POMT1: variants seen among roughly 807,000 people sequenced by gnomAD.
The protein encoded by POMT1 is protein O-mannosyl-transferase 1.
Under a neutral mutation model 101.6 loss-of-function variants are expected in POMT1, and 85 were observed. The observed-to-expected ratio is 0.84, with a 90% CI of 0.70 to 1.00. The LOEUF is 1.00. Among genes scored for constraint, POMT1 ranks in the 50% least tolerant of loss-of-function variants. The pLI is 0.00. For missense variants in POMT1, 857 were observed against 930.4 expected (o/e 0.92, Z 1.03); for synonymous variants, 371 against 383.0 (o/e 0.97, Z 0.37).
At chr9:131,507,594 G>C in intron 5 of POMT1, 80 bp downstream of exon 5, 2 of 1,589,418 alleles carry the variant, frequency 1.3e-6, no homozygotes, top group Non-Finnish European at 1.7e-6. Flanking sequence ...ACATGGGCTT[G>C]GTGGGCGAGC....
Position 131,520,092 on chromosome 9 carries a change from G to A in POMT1, c.1597G>A (p.Ala533Thr). The A allele has an allele frequency of 6.2e-7, 1 of 1,613,654 alleles. No homozygotes were observed. The highest frequency in any genetic ancestry group is 2.2e-5 in the East Asian group (1 of 44,886). The change falls in exon 17 of 20, where the codon GCG becomes ACG. Residue 533 changes from alanine to threonine, a missense_variant. By Grantham distance (58) the Ala-to-Thr change is moderately conservative. Transcript: ENST00000402686. ...RFSELQWRML[A>T]LRSDDSEHKY... Reference sequence around the variant, plus strand: ...TGCTTTGTTCCAGTGGAGGATGCTGGCGCTGAGAAGTGATGACTCGGAACA... The same window carrying A: ...TGCTTTGTTCCAGTGGAGGATGCTGACGCTGAGAAGTGATGACTCGGAACA...
rs190564654 is a variant in POMT1 at position 131,520,032 on chromosome 9, G to A, written c.1585-48G>A. 25 of 1,480,398 alleles carry A rather than the reference G, an allele frequency of 1.7e-5. No individual in the cohort carries two copies. In the African/African-American group the frequency reaches 1.9e-4, roughly 11 times the overall value. 91.7% of individuals were successfully genotyped at this position (1,480,398 alleles called of 1,614,324 possible). ...TCCTTTGACCAAATCCACGCACAGC[G>A]GGAGGCATCCCCCATCCTCAATCTC... is the stretch of plus-strand genomic sequence containing the variant. On this transcript the variant is annotated intron_variant, in intron 16 of 19. Coordinates refer to ENST00000402686, the MANE Select transcript of POMT1 (RefSeq NM_001077365.2).
rs1468778412 is a variant in POMT1 at position 131,522,097 on chromosome 9, G to A, written c.1876G>A (p.Ala626Thr). ...TGGGGCGCTGTGTGCCGGTGGCTGG[G>A]CAGTGAACTACCTCCCGTTCTTCCT... ...LAGALCAGGWAVNYLPFFLME... is the reference protein window; with the variant it reads ...LAGALCAGGWTVNYLPFFLME... Residue 626 changes from alanine (A) to threonine (T), a missense_variant, in exon 19 of 20, where the codon GCA (alanine) becomes ACA (threonine). By Grantham distance (58) the Ala-to-Thr change is moderately conservative. Coordinates refer to ENST00000402686, the MANE Select transcript of POMT1 (RefSeq NM_001077365.2). The surrounding 1 kb of genome is among the most constrained non-coding windows in gnomAD (Gnocchi z 5.5). 1 of 1,614,098 alleles carries A rather than the reference G, an allele frequency of 6.2e-7. No individual in the cohort carries two copies. The highest frequency in any genetic ancestry group is 1.7e-5 in the Admixed American group (1 of 60,030).
intron 7 of POMT1, 29 bp downstream of exon 7, chr9:131,509,837 T>C (rs529996323): frequency 1.2e-6 from 2 of 1,614,228 alleles, no homozygotes; most frequent in African/African-American, 1.3e-5. Flanking sequence ...TCTTGGGCAG[T>C]GTCCTCCTCC....
intron 5 of POMT1, 41 bp from the exon 6 acceptor site, chr9:131,508,870 T>C (rs1189510940): frequency 2.1e-6 from 3 of 1,431,006 alleles, no homozygotes. Flanking sequence ...ACGTTTTCCC[T>C]TGCTACCTTA....
At position 131,511,014 on chromosome 9, in the gene POMT1, C is replaced by CCGCCGTA; in HGVS notation, c.856-323_856-322insCGCCGTA. ...CTGTGTGTTTCAGCAAGTTGTTTGG[C>CCGCCGTA]TCACCCTAGTCTTGGTTTTCTCATC... is the stretch of plus-strand genomic sequence containing the variant. On this transcript the variant is annotated intron_variant, in intron 9 of 19. Coordinates refer to ENST00000402686, the MANE Select transcript of POMT1 (RefSeq NM_001077365.2). 1.1e-5 allele frequency: 3 copies of CCGCCGTA among 282,142 alleles called. No homozygotes were observed. In the South Asian group the frequency reaches 1.5e-4, roughly 14 times the overall value. 17.5% of individuals were successfully genotyped at this position (282,142 alleles called of 1,614,324 possible). A position where few individuals can be genotyped will look rare whatever the true frequency, so the allele number is the denominator to read the frequency against.
chr9:131,521,973 A>T (rs1950022544), intron 18 of POMT1, 74 bp from the exon 19 acceptor site: 2 of 1,603,760 alleles, frequency 1.2e-6, no homozygotes, highest in South Asian at 2.2e-5. Context: ...CCCTCTCTCT[A>T]AAAAAGCAAA....
At chr9:131,511,997 C>G in intron 10 of POMT1, 44 bp from the exon 11 acceptor site, 1 of 1,610,034 alleles carries the variant, frequency 6.2e-7, no homozygotes, top group Non-Finnish European at 8.5e-7. Context: ...AGGCCTGAGC[C>G]ACCGCGCCTG....
In POMT1 at chr9:131,505,752, G is replaced by A. The variant is rs115029303; in HGVS notation, c.123-362G>A. 4.3e-3 allele frequency among the ~76,000 whole-genome samples: 650 copies of A among 151,616 alleles called. 3 individuals carry two copies. Among genetic ancestry groups the A allele is most frequent in the African/African-American group, 0.015 (626 of 41,242 alleles). On this transcript the variant is annotated intron_variant, in intron 2 of 19. Coordinates refer to ENST00000402686, the MANE Select transcript of POMT1 (RefSeq NM_001077365.2). ...CTAGCCACAGACATGTGCTGCTGGT[G>A]GGGGCGGGGGTGGGGGGGTTGGGTA...
chr9:131,518,768 T>C, intron 14 of POMT1, 69 bp from the exon 15 acceptor site: 1 of 1,612,278 alleles, frequency 6.2e-7, no homozygotes, highest in Non-Finnish European at 8.5e-7. Flanking sequence ...GGGTTCCCCT[T>C]CCAACCCAAG....
At chr9:131,514,808 T>G (rs960536639) in intron 12 of POMT1, among the ~76,000 whole-genome samples, 9 of 152,162 alleles carry the variant, frequency 5.9e-5, no homozygotes, top group African/African-American at 2.2e-4. Context: ...ATACAAAAAT[T>G]AGCCAGGCAT....
intron 2 of POMT1, among the ~76,000 whole-genome samples, chr9:131,505,124 T>C (rs1945495279): frequency 6.6e-6 from 1 of 151,578 alleles, no homozygotes; most frequent in East Asian, 2.0e-4. Flanking sequence ...GTCAAACATA[T>C]ACAAAAGCAG....
At chr9:131,515,127 C>T (rs1240873306) in intron 12 of POMT1, among the ~76,000 whole-genome samples, 1 of 152,236 alleles carries the variant, frequency 6.6e-6, no homozygotes, top group Non-Finnish European at 1.5e-5. Flanking sequence ...CGGGCCTGGG[C>T]GCACGGTTCC....
At position 131,520,206 on chromosome 9, in the gene POMT1, T is replaced by TGCTGACA; in HGVS notation, c.1698+22_1698+28dup. Reference sequence around the variant, plus strand: ...CCCCAGGACCAGCGTAAGCGAGCGATGCTGACAGCTGACAGTCATAGATTC... The same window carrying TGCTGACA: ...CCCCAGGACCAGCGTAAGCGAGCGATGCTGACAGCTGACAGCTGACAGTCATAGATTC... On this transcript the variant is annotated intron_variant, in intron 17 of 19. Transcript: ENST00000402686. 1 of 1,587,054 alleles carries TGCTGACA rather than the reference T, an allele frequency of 6.3e-7. No homozygotes were observed. Among genetic ancestry groups the TGCTGACA allele is most frequent in the East Asian group, 2.2e-5 (1 of 44,722 alleles).
At chr9:131,511,253 A>G (rs1947047636) in intron 9 of POMT1, 84 bp from the exon 10 acceptor site, 4 of 1,427,488 alleles carry the variant, frequency 2.8e-6, no homozygotes, top group South Asian at 1.3e-5. Flanking sequence ...ATCACCCCAG[A>G]GGGAGGAGTG....
At chr9:131,514,820 G>A (rs758608121) in intron 12 of POMT1, among the ~76,000 whole-genome samples, 2 of 152,216 alleles carry the variant, frequency 1.3e-5, no homozygotes, top group Non-Finnish European at 2.9e-5. Flanking sequence ...GCCAGGCATG[G>A]TGGCATGTGC....
At chr9:131,506,354 T>G (rs752025136) in intron 3 of POMT1, 49 bp from the exon 4 acceptor site, 8 of 1,585,196 alleles carry the variant, frequency 5.0e-6, no homozygotes, top group African/African-American at 1.3e-5. Flanking sequence ...CACAGTACTC[T>G]AGAAATATTT....
chr9:131,512,146 G>A lies in POMT1; in HGVS notation c.1082+10G>A, dbSNP rs1459130667. On this transcript the variant is annotated intron_variant, in intron 11 of 19. Transcript: ENST00000402686. ...TAAAGGATCCCAGGAGGTGAGTGCAGGTCCTGTGACTCCAGAGCAGAGCTC... is the reference window on the plus strand; with the variant it reads ...TAAAGGATCCCAGGAGGTGAGTGCAAGTCCTGTGACTCCAGAGCAGAGCTC... 1.2e-6 allele frequency: 2 copies of A among 1,613,572 alleles called. No individual in the cohort carries two copies. The highest frequency in any genetic ancestry group is 1.7e-6 in the Non-Finnish European group (2 of 1,179,822).
chr9:131,523,103 C>T lies in POMT1; in HGVS notation c.2175C>T (p.His725=), dbSNP rs1387932380. The T allele has an allele frequency of 1.2e-6, 2 of 1,610,726 alleles. No individual in the cohort carries two copies. The highest frequency in any genetic ancestry group is 2.2e-5 in the South Asian group (2 of 90,788). The part of the protein sequence containing the change: ...KDSWDILIRK[H] ...GCTGGGACATCTTGATCCGAAAACACTAGAACAAGAGTGTGGCAAAGAACA... is the reference window on the plus strand; with the variant it reads ...GCTGGGACATCTTGATCCGAAAACATTAGAACAAGAGTGTGGCAAAGAACA... The change falls in exon 20 of 20, where the codon CAC becomes CAT. Residue 725 remains histidine, a synonymous_variant. Coordinates refer to ENST00000402686, the MANE Select transcript of POMT1 (RefSeq NM_001077365.2).
Sources: allele counts gnomAD v4.1 joint callset (sites outside exome capture counted in the v4.1 genomes callset), GRCh38; gene constraint gnomAD v4.1.1; non-coding constraint Gnocchi (gnomAD v3.1); transcripts MANE v1.5; gene names NCBI Gene and HGNC (gene_info 2026-07-23, HGNC 2026-07-21).